The following PRKN variants were observed in gnomAD, a reference collection of about 807,000 sequenced individuals.
The protein encoded by PRKN is E3 ubiquitin-protein ligase parkin.
A neutral mutation model predicts 59.5 loss-of-function variants in PRKN; 56 were observed. The ratio of observed to expected loss-of-function variants is 0.94; its 90% CI spans 0.76 to 1.18. PRKN has a LOEUF of 1.18. Ranked by LOEUF, PRKN falls within the 50% of genes most tolerant of loss-of-function variation. PRKN has a pLI of 0.00. For missense variants in PRKN, 657 were observed against 596.4 expected, an observed-to-expected ratio of 1.10 and a Z score of -1.06; for synonymous variants, 250 against 222.1, an observed-to-expected ratio of 1.13 and a Z score of -1.12.
chr6:161,859,916 C>T (rs947472757), intron 6 of PRKN, among the ~76,000 whole-genome samples: 3 of 152,074 alleles, frequency 2.0e-5, no homozygotes, highest in South Asian at 2.1e-4. Context: ...AAAAACTGAA[C>T]GGAACAATGG....
intron 2 of PRKN, among the ~76,000 whole-genome samples, chr6:162,265,442 G>A (rs990761841): frequency 6.6e-6 from 1 of 152,110 alleles, no homozygotes; most frequent in Non-Finnish European, 1.5e-5. Flanking sequence ...TATAATCCAA[G>A]CACTTTGGGA....
chr6:161,598,237 T>C (rs1203642865), intron 7 of PRKN, among the ~76,000 whole-genome samples: 1 of 152,164 alleles, frequency 6.6e-6, no homozygotes, highest in East Asian at 1.9e-4. Context: ...ATGTGACATT[T>C]AAATACAAAC....
intron 7 of PRKN, among the ~76,000 whole-genome samples, chr6:161,671,732 G>C (rs564848240): frequency 6.6e-6 from 1 of 152,094 alleles, no homozygotes; most frequent in Non-Finnish European, 1.5e-5. Flanking sequence ...TTTCTTTCCA[G>C]AGCATGTAAT....
rs768890758 is a variant in PRKN at position 161,743,213 on chromosome 6, C to CTTTTTTTTTT, written c.871+42549_871+42558dup. Among the ~76,000 whole-genome samples the CTTTTTTTTTT allele has an allele frequency of 9.6e-3, 808 of 84,576 alleles. 127 individuals carry two copies. The highest frequency in any genetic ancestry group is 0.017 in the Middle Eastern group (2 of 120). The allele number at this position is 84,576 out of a possible 152,430, so 55.5% of individuals were successfully genotyped here. The stretch of plus-strand genomic sequence containing the variant: ...CTTGCCTGTCTATACTGGTTTCTAC[C>CTTTTTTTTTT]TTTTTTTTTTTTTTTTTTTTTTTTT... On this transcript the variant is annotated intron_variant, in intron 7 of 11. Transcript: ENST00000366898.
intron 1 of PRKN, among the ~76,000 whole-genome samples, chr6:162,711,420 T>TAA (rs10655636): frequency 0.79 from 114,584 of 144,242 alleles, 45,601 homozygotes; most frequent in East Asian, 0.97. Flanking sequence ...AACTGCTATT[T>TAA]AAAAAAAAAA....
chr6:162,242,906 C>T (rs1160085295), intron 3 of PRKN, among the ~76,000 whole-genome samples: 1 of 151,958 alleles, frequency 6.6e-6, no homozygotes, highest in East Asian at 1.9e-4. Flanking sequence ...TCAACACTTA[C>T]ATTTACATGA....
intron 4 of PRKN, among the ~76,000 whole-genome samples, chr6:162,061,381 G>T (rs1778098443): frequency 6.6e-6 from 1 of 152,180 alleles, no homozygotes; most frequent in South Asian, 2.1e-4. Context: ...ACTGCCTGAA[G>T]AGGGTTATTT....
chr6:161,809,212 A>T (rs1271650103), intron 6 of PRKN, among the ~76,000 whole-genome samples: 3 of 152,106 alleles, frequency 2.0e-5, no homozygotes, highest in Non-Finnish European at 4.4e-5. Flanking sequence ...TATAAATACC[A>T]TATTGGGTGT....
At position 161,423,397 on chromosome 6, in the gene PRKN, T is replaced by C. The variant is rs1481374786; in HGVS notation, c.1084-36520A>G. Among the ~76,000 whole-genome samples, 3 of 152,202 alleles carry C rather than the reference T, an allele frequency of 2.0e-5. No homozygotes were observed. Among genetic ancestry groups the C allele is most frequent in the Non-Finnish European group, 2.9e-5 (2 of 68,036 alleles). ...AATAATTCGGAGGTGAGTACTGCGA[T>C]GCAGTTACACGTCGTAACCACCTGA... On this transcript the variant is annotated intron_variant, in intron 9 of 11. Coordinates refer to ENST00000366898, the MANE Select transcript of PRKN (RefSeq NM_004562.3). The surrounding 1 kb of genome is among the most constrained non-coding windows in gnomAD (Gnocchi z 5.9).
At chr6:161,645,882 C>A (rs1255738161) in intron 7 of PRKN, among the ~76,000 whole-genome samples, 4 of 152,246 alleles carry the variant, frequency 2.6e-5, no homozygotes, top group Admixed American at 2.0e-4. Context: ...CTCAGCCATG[C>A]CAGCGCAGGT....
rs1257657672 is a variant in PRKN, at chr6:161,983,896, T to TA, written c.619-10480dup. Among the ~76,000 whole-genome samples, 29 of 123,330 alleles carry TA rather than the reference T, an allele frequency of 2.4e-4. 3 individuals carry two copies. The highest frequency in any genetic ancestry group is 2.1e-3 in the Admixed American group (27 of 13,088). 80.9% of individuals were successfully genotyped at this position (123,330 alleles called of 152,430 possible). Reference sequence around the variant, plus strand: ...CAATGTGCACATGTACCCTAAAACTTAGAGTATAATAAAAAAAAAAAAAAT... The same window carrying TA: ...CAATGTGCACATGTACCCTAAAACTTAAGAGTATAATAAAAAAAAAAAAAAT... On this transcript the variant is annotated intron_variant, in intron 5 of 11. Coordinates refer to ENST00000366898, the MANE Select transcript of PRKN (RefSeq NM_004562.3).
intron 2 of PRKN, among the ~76,000 whole-genome samples, chr6:162,304,258 T>TTCA (rs1192900084): frequency 6.6e-6 from 1 of 150,704 alleles, no homozygotes; most frequent in African/African-American, 2.4e-5. Context: ...ATAGTCAGTT[T>TTCA]TCATCTTTTA....
chr6:162,271,150 C>A (rs890036007), intron 2 of PRKN, among the ~76,000 whole-genome samples: 1 of 151,492 alleles, frequency 6.6e-6, no homozygotes, highest in African/African-American at 2.4e-5. Flanking sequence ...CAGGCCTGAG[C>A]CACTGCACCT....
chr6:161,716,799 G>A (rs953214913), intron 7 of PRKN, among the ~76,000 whole-genome samples: 2 of 152,192 alleles, frequency 1.3e-5, no homozygotes, highest in African/African-American at 2.4e-5. Context: ...TGGCCCCCAA[G>A]GTGGCATGGC....
chr6:161,400,883 G>A lies in PRKN; in HGVS notation c.1084-14006C>T, dbSNP rs188289137. On this transcript the variant is annotated intron_variant, in intron 9 of 11. Coordinates refer to ENST00000366898, the MANE Select transcript of PRKN (RefSeq NM_004562.3). The surrounding 1 kb of genome is among the most constrained non-coding windows in gnomAD (Gnocchi z 4.2). ...AGAATAAGAACTGTCCTGGGTTATCGCTAACTTTCACTGTGTCTGATTTAC... is the reference window on the plus strand; with the variant it reads ...AGAATAAGAACTGTCCTGGGTTATCACTAACTTTCACTGTGTCTGATTTAC... Among the ~76,000 whole-genome samples, 1 of 152,246 alleles carries A rather than the reference G, an allele frequency of 6.6e-6. No individual in the cohort carries two copies. The highest frequency in any genetic ancestry group is 1.9e-4 in the East Asian group (1 of 5,180).
At position 161,354,858 on chromosome 6, in the gene PRKN, T is replaced by C. The variant is rs1784689805; in HGVS notation, c.1286-4647A>G. On this transcript the variant is annotated intron_variant, in intron 11 of 11. Transcript: ENST00000366898. The surrounding 1 kb of genome is among the most constrained non-coding windows in gnomAD (Gnocchi z 6.7). ...GGTAAAAAATTAGTGCTTTCATTTA[T>C]AGTACATCACAATATTTCCAAGAAA... Among the ~76,000 whole-genome samples the C allele has an allele frequency of 6.6e-6, 1 of 152,230 alleles. No individual in the cohort carries two copies. The highest frequency in any genetic ancestry group is 2.1e-4 in the South Asian group (1 of 4,834).
At chr6:162,570,111 T>A (rs1954812) in intron 1 of PRKN, among the ~76,000 whole-genome samples, 77,953 of 151,296 alleles carry the variant, frequency 0.52, 20,290 homozygotes, top group East Asian at 0.71. Flanking sequence ...AGGAAAAAAA[T>A]ATATAATAAT....
At chr6:161,703,577 C>G (rs1219363385) in intron 7 of PRKN, among the ~76,000 whole-genome samples, 3 of 152,164 alleles carry the variant, frequency 2.0e-5, no homozygotes, top group Non-Finnish European at 2.9e-5. Flanking sequence ...GATTCCCTGA[C>G]AGCCACACGA....
intron 1 of PRKN, among the ~76,000 whole-genome samples, chr6:162,507,625 G>C (rs1295025272): frequency 6.6e-6 from 1 of 152,066 alleles, no homozygotes. Context: ...TTAACTGATA[G>C]GAACACATTT....
Sources: allele counts gnomAD v4.1 joint callset (sites outside exome capture counted in the v4.1 genomes callset), GRCh38; gene constraint gnomAD v4.1.1; non-coding constraint Gnocchi (gnomAD v3.1); transcripts MANE v1.5; gene names NCBI Gene and HGNC (gene_info 2026-07-23, HGNC 2026-07-21).